TAFA5: variants seen among roughly 807,000 people sequenced by gnomAD.
TAFA5 encodes the protein chemokine-like protein TAFA-5.
A neutral mutation model predicts 15.3 loss-of-function variants in TAFA5; 6 were observed. The ratio of observed to expected loss-of-function variants is 0.39; its 90% confidence interval spans 0.21 to 0.77. The LOEUF is 0.77. Ranked by LOEUF, TAFA5 falls within the 30% of genes least tolerant of loss-of-function variation. The pLI is 0.41. For synonymous variants in TAFA5, 103 were observed against 80.7 expected, an observed-to-expected ratio of 1.28 and a Z score of -1.48; for missense variants, 161 against 193.1, an observed-to-expected ratio of 0.83 and a Z score of 0.98.
rs145991552 is a variant in TAFA5, at chr22:48,578,698, C to T, written c.113-67899C>T. Among the ~76,000 whole-genome samples, 783 of 152,328 alleles carry T rather than the reference C, an allele frequency of 5.1e-3. 8 individuals carry two copies. The highest frequency in any genetic ancestry group is 0.018 in the African/African-American group (751 of 41,572). On this transcript the variant is annotated intron_variant, in intron 1 of 3. Coordinates refer to ENST00000402357, the MANE Select transcript of TAFA5 (RefSeq NM_001082967.3). ...ACTCCTGAAGTCCTGTCTCCCTGTC[C>T]GGAAGCGGTGGCCTTCACCACCCTG... is the stretch of plus-strand genomic sequence containing the variant.
chr22:48,647,021 G>C (rs187144927), intron 2 of TAFA5, among the ~76,000 whole-genome samples: 2 of 152,166 alleles, frequency 1.3e-5, no homozygotes, highest in Admixed American at 6.5e-5. Context: ...CTGGCCCAAG[G>C]CTGTGGTTCT....
intron 1 of TAFA5, among the ~76,000 whole-genome samples, chr22:48,508,078 G>C (rs1921070064): frequency 6.6e-6 from 1 of 152,200 alleles, no homozygotes; most frequent in African/African-American, 2.4e-5. Flanking sequence ...GAGAGGGGTT[G>C]CTGGGTGCTG....
intron 1 of TAFA5, among the ~76,000 whole-genome samples, chr22:48,608,107 C>CCTCCCACGGCCCCAGGCTGCCAGCCA: frequency 6.6e-6 from 1 of 151,764 alleles, no homozygotes; most frequent in Non-Finnish European, 1.5e-5. Context: ...GCTGCCAGCC[C>CCTCCCACGGCCCCAGGCTGCCAGCCA]CTCCCACGGC....
chr22:48,550,076 G>A lies in TAFA5; in HGVS notation c.112+60372G>A, dbSNP rs958336196. 1.3e-5 allele frequency among the ~76,000 whole-genome samples: 2 copies of A among 152,232 alleles called. No homozygotes were observed. The highest frequency in any genetic ancestry group is 2.9e-5 in the Non-Finnish European group (2 of 68,034). ...AGTAACTGAGAACATTAAGTGACTC[G>A]TATGTGGCAAAGCTGGCCTGTATCA... On this transcript the variant is annotated intron_variant, in intron 1 of 3. Coordinates refer to ENST00000402357, the MANE Select transcript of TAFA5 (RefSeq NM_001082967.3). This position sits in a 1 kb window ranked among gnomAD's most constrained non-coding sequence, Gnocchi z 4.1.
rs1922832918 is a variant in TAFA5, at chr22:48,550,920, C to T, written c.112+61216C>T. ...CAGACATTCCTAGTCCTGCTTGGGG[C>T]ATCGTAAGATGGGCTGCTGTGGTGT... On this transcript the variant is annotated intron_variant, in intron 1 of 3. Transcript: ENST00000402357. This position sits in a 1 kb window ranked among gnomAD's most constrained non-coding sequence, Gnocchi z 4.1. Among the ~76,000 whole-genome samples, 1 of 151,962 alleles carries T rather than the reference C, an allele frequency of 6.6e-6. No individual in the cohort carries two copies. Among genetic ancestry groups the T allele is most frequent in the Admixed American group, 6.6e-5 (1 of 15,266 alleles).
chr22:48,631,232 G>A (rs1298662683), intron 1 of TAFA5, among the ~76,000 whole-genome samples: 1 of 152,174 alleles, frequency 6.6e-6, no homozygotes, highest in African/African-American at 2.4e-5. Context: ...TGCCAGGCCA[G>A]GCCAGGGTGA....
rs376116507 is a variant in TAFA5 at position 48,580,167 on chromosome 22, G to A, written c.113-66430G>A. Among the ~76,000 whole-genome samples, 12 of 152,296 alleles carry A rather than the reference G, an allele frequency of 7.9e-5. No homozygotes were observed. In the East Asian group the frequency reaches 1.5e-3, roughly 20 times the overall value. ...AGGGCAGACTGTTGATTGAGTCAAC[G>A]GATTCAACTTCCATTGATTTAGTTA... On this transcript the variant is annotated intron_variant, in intron 1 of 3. Transcript: ENST00000402357.
At position 48,630,441 on chromosome 22, in the gene TAFA5, G is replaced by A. The variant is rs563004634; in HGVS notation, c.113-16156G>A. On this transcript the variant is annotated intron_variant, in intron 1 of 3. Coordinates refer to ENST00000402357, the MANE Select transcript of TAFA5 (RefSeq NM_001082967.3). ...CCTCGGCCCTGGCTTTGGGGCGTGC[G>A]TGGCCTTTATTCATTGCCTTTGTTG... Among the ~76,000 whole-genome samples the A allele has an allele frequency of 4.9e-4, 74 of 152,312 alleles. 1 individual carries two copies. Among genetic ancestry groups the A allele is most frequent in the South Asian group, 8.3e-4 (4 of 4,826 alleles).
intron 1 of TAFA5, among the ~76,000 whole-genome samples, chr22:48,513,486 C>T (rs1333870763): frequency 1.3e-5 from 2 of 152,196 alleles, no homozygotes; most frequent in African/African-American, 4.8e-5. Context: ...GACAGACTGG[C>T]GATTCCTGGG....
intron 1 of TAFA5, among the ~76,000 whole-genome samples, chr22:48,511,813 G>A (rs1031046389): frequency 4.6e-5 from 7 of 152,226 alleles, no homozygotes; most frequent in African/African-American, 1.7e-4. Flanking sequence ...GAGAGCCACG[G>A]GGCAACTGCC....
intron 1 of TAFA5, among the ~76,000 whole-genome samples, chr22:48,601,102 T>C (rs1349971172): frequency 6.6e-6 from 1 of 152,238 alleles, no homozygotes; most frequent in Non-Finnish European, 1.5e-5. Flanking sequence ...CAGCCTGTTA[T>C]TAGAATTGTC....
chr22:48,585,626 C>G (rs927060375), intron 1 of TAFA5, among the ~76,000 whole-genome samples: 1 of 151,284 alleles, frequency 6.6e-6, no homozygotes, highest in East Asian at 2.0e-4. Context: ...ACACCACACA[C>G]ACTAGACATC....
At chr22:48,588,651 G>A (rs557941804) in intron 1 of TAFA5, among the ~76,000 whole-genome samples, 1 of 152,292 alleles carries the variant, frequency 6.6e-6, no homozygotes, top group African/African-American at 2.4e-5. Flanking sequence ...GGGGACCTGC[G>A]GGGATGGGGG....
At chr22:48,693,921 T>G (rs1393725736) in intron 2 of TAFA5, among the ~76,000 whole-genome samples, 2 of 152,304 alleles carry the variant, frequency 1.3e-5, no homozygotes, top group African/African-American at 4.8e-5. Flanking sequence ...GGGGAAACTG[T>G]GGGGTCCCCT....
chr22:48,629,899 G>A (rs1926155231), intron 1 of TAFA5, among the ~76,000 whole-genome samples: 3 of 152,314 alleles, frequency 2.0e-5, no homozygotes, highest in East Asian at 3.9e-4. Context: ...AGAGGAGTGC[G>A]GGCACCTGGG....
intron 1 of TAFA5, among the ~76,000 whole-genome samples, chr22:48,604,628 C>A (rs1925093164): frequency 6.6e-6 from 1 of 152,204 alleles, no homozygotes; most frequent in Non-Finnish European, 1.5e-5. Context: ...AAATTTCTCC[C>A]ATGGAAGGTG....
chr22:48,688,545 T>C (rs547671396), intron 2 of TAFA5, among the ~76,000 whole-genome samples: 2 of 152,314 alleles, frequency 1.3e-5, no homozygotes, highest in Admixed American at 1.3e-4. Flanking sequence ...GAGGGCCAGA[T>C]CTTCAGGCCT....
rs1377471475 is a variant in TAFA5 at position 48,552,618 on chromosome 22, G to A, written c.112+62914G>A. ...ATCTAGAACCCCCGTCGCAGGGCTC[G>A]GAGTTGCGGGCAGGGTGGGAGACCC... On this transcript the variant is annotated intron_variant, in intron 1 of 3. Coordinates refer to ENST00000402357, the MANE Select transcript of TAFA5 (RefSeq NM_001082967.3). The surrounding 1 kb of genome is among the most constrained non-coding windows in gnomAD (Gnocchi z 4.1). 5.3e-5 allele frequency among the ~76,000 whole-genome samples: 8 copies of A among 152,156 alleles called. No individual in the cohort carries two copies. The highest frequency in any genetic ancestry group is 1.7e-4 in the African/African-American group (7 of 41,442).
At chr22:48,670,783 G>T (rs1300483690) in intron 2 of TAFA5, among the ~76,000 whole-genome samples, 1 of 152,188 alleles carries the variant, frequency 6.6e-6, no homozygotes, top group Non-Finnish European at 1.5e-5. Context: ...GTTGTGTGAG[G>T]GCAATTTTAC....
Sources: allele counts gnomAD v4.1 joint callset (sites outside exome capture counted in the v4.1 genomes callset), GRCh38; gene constraint gnomAD v4.1.1; non-coding constraint Gnocchi (gnomAD v3.1); transcripts MANE v1.5; gene names NCBI Gene and HGNC (gene_info 2026-07-23, HGNC 2026-07-21).